LUZP2: variants seen among roughly 807,000 people sequenced by gnomAD.
The protein encoded by LUZP2 is leucine zipper protein 2.
A neutral mutation model predicts 51.6 loss-of-function variants in LUZP2; 52 were observed. That is an observed-to-expected ratio of 1.01 (90% CI 0.81 to 1.27). The LOEUF (loss-of-function observed/expected upper bound fraction) is 1.27. Ranked by LOEUF, LUZP2 falls within the 50% of genes most tolerant of loss-of-function variation. The probability of loss-of-function intolerance (pLI) is 0.00; values close to 1 mark genes in which losing one functional copy is unlikely to be tolerated. For missense variants in LUZP2, 436 were observed against 395.4 expected (o/e 1.10, Z -0.87); for synonymous variants, 154 against 137.3 (o/e 1.12, Z -0.85).
At chr11:24,901,493 T>G (rs574450074) in intron 5 of LUZP2, among the ~76,000 whole-genome samples, 1 of 152,206 alleles carries the variant, frequency 6.6e-6, no homozygotes, top group East Asian at 1.9e-4. Context: ...AAAAAATTCT[T>G]CATGACTTTG....
intron 5 of LUZP2, among the ~76,000 whole-genome samples, chr11:24,817,768 T>A (rs1292624866): frequency 1.3e-5 from 2 of 152,002 alleles, no homozygotes; most frequent in African/African-American, 4.8e-5. Context: ...CACAGTGAAA[T>A]GCAGTAAAAA....
intron 9 of LUZP2, among the ~76,000 whole-genome samples, chr11:25,023,527 C>G (rs1244277897): frequency 6.6e-6 from 1 of 151,856 alleles, no homozygotes; most frequent in African/African-American, 2.4e-5. Context: ...TTTGGTTCCT[C>G]TCTCTTTTCT....
chr11:24,778,431 C>A (rs1244507079), intron 5 of LUZP2, among the ~76,000 whole-genome samples: 1 of 151,420 alleles, frequency 6.6e-6, no homozygotes, highest in Non-Finnish European at 1.5e-5. Flanking sequence ...AATAAACAAA[C>A]AAACAAACAA....
chr11:24,921,221 C>G (rs980162492), intron 7 of LUZP2, among the ~76,000 whole-genome samples: 1 of 151,936 alleles, frequency 6.6e-6, no homozygotes, highest in East Asian at 1.9e-4. Flanking sequence ...GAGGGGGGCT[C>G]GGAACAAAGA....
At chr11:24,567,367 A>G (rs985595033) in intron 1 of LUZP2, among the ~76,000 whole-genome samples, 2 of 152,106 alleles carry the variant, frequency 1.3e-5, no homozygotes, top group African/African-American at 4.8e-5. Context: ...TAATACACCA[A>G]CATGCACATG....
intron 1 of LUZP2, among the ~76,000 whole-genome samples, chr11:24,627,551 A>G (rs1854725458): frequency 6.6e-6 from 1 of 152,238 alleles, no homozygotes; most frequent in Non-Finnish European, 1.5e-5. Flanking sequence ...AAGGCCAAGA[A>G]CATTCAGATA....
intron 7 of LUZP2, among the ~76,000 whole-genome samples, chr11:24,950,806 T>A (rs967280205): frequency 2.0e-5 from 3 of 151,662 alleles, no homozygotes; most frequent in Non-Finnish European, 4.4e-5. Context: ...TTAGTACTTT[T>A]TTTTGAGAAG....
chr11:24,836,823 C>G (rs552879017), intron 5 of LUZP2, among the ~76,000 whole-genome samples: 2 of 151,792 alleles, frequency 1.3e-5, no homozygotes, highest in Non-Finnish European at 3.0e-5. Flanking sequence ...TATTGAGACA[C>G]ATGAAAAGTT....
intron 1 of LUZP2, among the ~76,000 whole-genome samples, chr11:24,553,556 T>C (rs1564987040): frequency 6.6e-6 from 1 of 152,052 alleles, no homozygotes; most frequent in Non-Finnish European, 1.5e-5. Context: ...GCAAATTAGA[T>C]AAATCATAGC....
intron 9 of LUZP2, among the ~76,000 whole-genome samples, chr11:25,003,506 A>G (rs1565214964): frequency 6.6e-6 from 1 of 152,244 alleles, no homozygotes; most frequent in Non-Finnish European, 1.5e-5. Flanking sequence ...TGATGAGTCT[A>G]ACATCTTGCA....
At chr11:24,664,277 G>A (rs997841196) in intron 1 of LUZP2, among the ~76,000 whole-genome samples, 3 of 152,130 alleles carry the variant, frequency 2.0e-5, no homozygotes, top group African/African-American at 4.8e-5. Flanking sequence ...CTGCCCTAGA[G>A]ATCTTTAGAA....
At chr11:24,594,833 C>T (rs952389519) in intron 1 of LUZP2, among the ~76,000 whole-genome samples, 8 of 139,904 alleles carry the variant, frequency 5.7e-5, no homozygotes, top group East Asian at 2.2e-4. Context: ...GATCTTGGCT[C>T]ACTGCAACCT....
At chr11:24,717,344 G>C (rs1858086054) in intron 1 of LUZP2, among the ~76,000 whole-genome samples, 2 of 151,176 alleles carry the variant, frequency 1.3e-5, no homozygotes, top group Non-Finnish European at 2.9e-5. Flanking sequence ...TGTTACATAG[G>C]TGAACTCATG....
intron 1 of LUZP2, among the ~76,000 whole-genome samples, chr11:24,625,793 G>A (rs1409524603): frequency 6.6e-6 from 1 of 152,002 alleles, no homozygotes; most frequent in African/African-American, 2.4e-5. Context: ...CCCACAAAAG[G>A]CATTGATAAA....
intron 7 of LUZP2, among the ~76,000 whole-genome samples, chr11:24,918,409 G>C (rs1167978705): frequency 3.3e-5 from 5 of 151,920 alleles, no homozygotes; most frequent in Admixed American, 3.3e-4. Context: ...TCCCTCTCTT[G>C]TGCCGGTTTT....
intron 1 of LUZP2, among the ~76,000 whole-genome samples, chr11:24,549,465 A>G (rs1851659986): frequency 1.3e-5 from 2 of 152,216 alleles, no homozygotes; most frequent in East Asian, 1.9e-4. Context: ...ACGGAGTACA[A>G]TATAAAATAA....
chr11:24,602,857 G>C (rs149233709), intron 1 of LUZP2, among the ~76,000 whole-genome samples: 1 of 151,868 alleles, frequency 6.6e-6, no homozygotes, highest in East Asian at 1.9e-4. Flanking sequence ...AGTACAGTGA[G>C]ATTAAGGGAA....
chr11:24,710,940 G>C (rs1450003616), intron 1 of LUZP2, among the ~76,000 whole-genome samples: 1 of 140,396 alleles, frequency 7.1e-6, no homozygotes, highest in Non-Finnish European at 1.5e-5. Flanking sequence ...AGGAAGGGAG[G>C]AAGGAAGGAA....
chr11:24,850,545 C>A (rs918386033), intron 5 of LUZP2, among the ~76,000 whole-genome samples: 1 of 151,950 alleles, frequency 6.6e-6, no homozygotes. Flanking sequence ...ACTTAGAAGT[C>A]AGGTAGTGTG....
Sources: allele counts gnomAD v4.1 joint callset (sites outside exome capture counted in the v4.1 genomes callset), GRCh38; gene constraint gnomAD v4.1.1; transcripts MANE v1.5; gene names NCBI Gene and HGNC (gene_info 2026-07-23, HGNC 2026-07-21).